The following GPAT3 variants were observed in gnomAD, a reference collection of about 807,000 sequenced individuals.
GPAT3 encodes glycerol-3-phosphate acyltransferase 3.
Under a neutral mutation model 58.8 loss-of-function variants are expected in GPAT3, and 53 were observed. The ratio of observed to expected loss-of-function variants is 0.90; its 90% CI spans 0.72 to 1.13. The LOEUF (loss-of-function observed/expected upper bound fraction) is 1.13. Among genes scored for constraint, GPAT3 ranks in the 50% most tolerant of loss-of-function variants. The pLI, the probability that GPAT3 is intolerant of heterozygous loss-of-function variation, is 0.00. For synonymous variants in GPAT3, 197 were observed against 187.4 expected, an observed-to-expected ratio of 1.05 and a Z score of -0.42; for missense variants, 511 against 527.6, an observed-to-expected ratio of 0.97 and a Z score of 0.31.
rs1171571522 is a variant in GPAT3 at position 83,588,317 on chromosome 4, T to C, written c.644+18T>C. On this transcript the variant is annotated intron_variant, in intron 5 of 11. Transcript: ENST00000264409. ...CATAACAAGTGAGTATCTGCTCCAA[T>C]GTGCCTGTCTTTTTCTAGGTCAATT... 5.6e-6 allele frequency: 9 copies of C among 1,600,366 alleles called. 1 individual carries two copies. The African/African-American group carries it at 9.4e-5, about 17-fold the overall frequency.
At chr4:83,556,824 TTG>T (rs1724959623) in intron 2 of GPAT3, among the ~76,000 whole-genome samples, 1 of 152,012 alleles carries the variant, frequency 6.6e-6, no homozygotes, top group Non-Finnish European at 1.5e-5. Context: ...AGCCTAGTAT[TTG>T]TCTTAGTCCA....
intron 2 of GPAT3, among the ~76,000 whole-genome samples, chr4:83,578,173 G>A (rs889569937): frequency 2.6e-5 from 4 of 152,074 alleles, no homozygotes; most frequent in African/African-American, 2.4e-5. Context: ...TCATCAATAA[G>A]GCTACTCTTT....
At chr4:83,593,979 C>T (rs1178628075) in intron 6 of GPAT3, among the ~76,000 whole-genome samples, 1 of 152,182 alleles carries the variant, frequency 6.6e-6, no homozygotes, top group Non-Finnish European at 1.5e-5. Flanking sequence ...TTCATTCCAT[C>T]CCATTCCTTC....
At chr4:83,588,692 T>A (rs1726478658) in intron 5 of GPAT3, among the ~76,000 whole-genome samples, 1 of 152,200 alleles carries the variant, frequency 6.6e-6, no homozygotes, top group African/African-American at 2.4e-5. Flanking sequence ...TCTCTGATTT[T>A]AAAAACAATG....
In GPAT3 at chr4:83,595,603, G is replaced by A. The variant is rs116308811; in HGVS notation, c.854+643G>A. ...CCAAATGTGGTGGCATATGCCTGTG[G>A]TCCCAGCTACTTGGGAGGAAGGATC... On this transcript the variant is annotated intron_variant, in intron 7 of 11. Transcript: ENST00000264409. Among the ~76,000 whole-genome samples the A allele has an allele frequency of 5.2e-3, 796 of 152,156 alleles. 6 individuals are homozygous for A. Among genetic ancestry groups the A allele is most frequent in the African/African-American group, 0.018 (746 of 41,504 alleles).
chr4:83,575,508 G>A (rs1725778251), intron 2 of GPAT3, among the ~76,000 whole-genome samples: 1 of 152,078 alleles, frequency 6.6e-6, no homozygotes, highest in Non-Finnish European at 1.5e-5. Context: ...CACCTCCCGA[G>A]TTCACACCAT....
rs1726186947 is a variant in GPAT3 at position 83,582,595 on chromosome 4, T to C, written c.479+763T>C. Among the ~76,000 whole-genome samples, 10 of 152,318 alleles carry C rather than the reference T, an allele frequency of 6.6e-5. No homozygotes were observed. The South Asian group carries it at 1.7e-3, about 25-fold the overall frequency. ...TTGCTTCATTTCCCTGGACATGGCC[T>C]TGGCATCCTCTCAGCAGAGCTTTCC... On this transcript the variant is annotated intron_variant, in intron 3 of 11. Coordinates refer to ENST00000264409, the MANE Select transcript of GPAT3 (RefSeq NM_032717.5).
intron 2 of GPAT3, among the ~76,000 whole-genome samples, chr4:83,548,682 A>C (rs1226945762): frequency 6.6e-6 from 1 of 151,928 alleles, no homozygotes; most frequent in African/African-American, 2.4e-5. Context: ...AAGTGCATGC[A>C]ACCACTGCAA....
chr4:83,587,233 G>C (rs1487110477), intron 3 of GPAT3, 22 bp from the exon 4 acceptor site: 42 of 1,602,802 alleles, frequency 2.6e-5, no homozygotes, highest in Non-Finnish European at 3.5e-5. Context: ...AATCTTATAT[G>C]GCCCTCTCTT....
intron 1 of GPAT3, among the ~76,000 whole-genome samples, chr4:83,542,758 G>T (rs1724349960): frequency 6.6e-6 from 1 of 152,156 alleles, no homozygotes; most frequent in African/African-American, 2.4e-5. Flanking sequence ...AGCACTTTGG[G>T]AGGCCGAGGC....
intron 2 of GPAT3, among the ~76,000 whole-genome samples, chr4:83,579,079 TTCCCTTCCTTCC>T (rs1201935196): frequency 6.1e-5 from 1 of 16,396 alleles, no homozygotes; most frequent in Non-Finnish European, 1.2e-4. Flanking sequence ...TCTTTCTTTC[TTCCCTTCCTTCC>T]TTCCTTCCTT....
intron 6 of GPAT3, among the ~76,000 whole-genome samples, chr4:83,590,511 T>C (rs1242159938): frequency 6.6e-6 from 1 of 152,218 alleles, no homozygotes; most frequent in Non-Finnish European, 1.5e-5. Flanking sequence ...AAAAATTAAC[T>C]TACTGAAATG....
intron 2 of GPAT3, among the ~76,000 whole-genome samples, chr4:83,565,355 C>T (rs1725341891): frequency 6.6e-6 from 1 of 152,120 alleles, no homozygotes. Context: ...CCCATCTCAG[C>T]CTCCCAAATT....
At chr4:83,581,121 A>AG (rs397994309) in intron 2 of GPAT3, among the ~76,000 whole-genome samples, 10 of 147,210 alleles carry the variant, frequency 6.8e-5, no homozygotes, top group African/African-American at 2.5e-4. Context: ...AAAAAAAAAA[A>AG]TCAACTTTTT....
chr4:83,595,745 G>C (rs1415437444), intron 7 of GPAT3, among the ~76,000 whole-genome samples: 1 of 152,016 alleles, frequency 6.6e-6, no homozygotes, highest in Non-Finnish European at 1.5e-5. Flanking sequence ...GCTAGAGACA[G>C]AGGAATGGGA....
At chr4:83,561,150 G>A (rs1382403040) in intron 2 of GPAT3, among the ~76,000 whole-genome samples, 1 of 152,118 alleles carries the variant, frequency 6.6e-6, no homozygotes, top group African/African-American at 2.4e-5. Context: ...GCACAATGGG[G>A]GATGATTTCT....
intron 3 of GPAT3, among the ~76,000 whole-genome samples, chr4:83,583,754 G>A (rs1049290001): frequency 1.4e-5 from 2 of 147,522 alleles, no homozygotes; most frequent in Admixed American, 6.8e-5. Context: ...TTGGGAGGCC[G>A]AGGTGAGGTC....
intron 2 of GPAT3, among the ~76,000 whole-genome samples, chr4:83,563,456 A>G (rs1383653955): frequency 1.5e-5 from 2 of 131,490 alleles, no homozygotes; most frequent in Non-Finnish European, 3.4e-5. Flanking sequence ...GCAAGTCTTT[A>G]TTATTTTATT....
At chr4:83,574,507 A>G (rs890360689) in intron 2 of GPAT3, among the ~76,000 whole-genome samples, 1 of 151,480 alleles carries the variant, frequency 6.6e-6, no homozygotes, top group Non-Finnish European at 1.5e-5. Flanking sequence ...AGACAGTTGT[A>G]ATTTTATCTT....
Sources: allele counts gnomAD v4.1 joint callset (sites outside exome capture counted in the v4.1 genomes callset), GRCh38; gene constraint gnomAD v4.1.1; transcripts MANE v1.5; gene names NCBI Gene and HGNC (gene_info 2026-07-23, HGNC 2026-07-21).